ZNF397: variants seen among roughly 807,000 people sequenced by gnomAD.
ZNF397 encodes zinc finger protein 397, also known as zinc finger and SCAN domain-containing protein 15.
Under a neutral mutation model 50.6 loss-of-function variants are expected in ZNF397, and 38 were observed. The observed-to-expected ratio is 0.75, with a 90% CI of 0.58 to 0.98. The LOEUF is 0.98. Among genes scored for constraint, ZNF397 ranks in the 50% least tolerant of loss-of-function variants. ZNF397 has a pLI of 0.00. For synonymous variants in ZNF397, 228 were observed against 215.2 expected (o/e 1.06, Z -0.52); for missense variants, 624 against 624.1 (o/e 1.00, Z 0.00).
downstream of ZNF397, chr18:35,251,703 G>C (rs530837960): frequency 6.6e-6 from 1 of 152,214 alleles, no homozygotes; most frequent in South Asian, 2.1e-4. Flanking sequence ...TTGCCACCTT[G>C]TGAAGAAGGT....
At position 35,247,977 on chromosome 18, in the gene ZNF397, G is replaced by C. The variant is rs1186644692; in HGVS notation, c.*1667G>C. 2 of 152,090 alleles carry C rather than the reference G, an allele frequency of 1.3e-5. No individual in the cohort carries two copies. Among genetic ancestry groups the C allele is most frequent in the African/African-American group, 4.8e-5 (2 of 41,418 alleles). The allele number at this position is 152,090 out of a possible 1,614,324, so 9.4% of individuals were successfully genotyped here. The stretch of plus-strand genomic sequence containing the variant: ...GAGCCATGGCGCCCAACCATCTTTT[G>C]CAAATTTTATTAAAGACAATGCTAA... On this transcript the variant is annotated 3_prime_UTR_variant, in exon 4 of 4. Coordinates refer to ENST00000330501, the MANE Select transcript of ZNF397 (RefSeq NM_001135178.3).
intron 3 of ZNF397, among the ~76,000 whole-genome samples, chr18:35,244,522 A>G (rs1397192114): frequency 6.6e-6 from 1 of 152,192 alleles, no homozygotes; most frequent in African/African-American, 2.4e-5. Flanking sequence ...GTAAGGATAC[A>G]TGAGAGCCCA....
chr18:35,257,976 C>T, exon 6 of ZNF397: 1 of 781,050 alleles, frequency 1.3e-6, no homozygotes, highest in Non-Finnish European at 2.4e-6. Context: ...ACCCAAATCT[C>T]CATCTCAGGC....
chr18:35,258,304 A>G (rs1362139059), exon 6 of ZNF397: 1 of 297,678 alleles, frequency 3.4e-6, no homozygotes, highest in Admixed American at 4.7e-5. Flanking sequence ...CATTGGAGAG[A>G]TAGAGTCACT....
rs143182188 is a variant in ZNF397 at position 35,255,482 on chromosome 18, G to C, written c.817+1080G>C. ...TAGAAGTAATAATTGCTAAGAGTTA[G>C]GATTCAAATAAACATTCTTAACATC... On this transcript the variant is annotated intron_variant, in intron 5 of 5. Coordinates refer to the ZNF397 transcript ENST00000261333. Among the ~76,000 whole-genome samples, 38 of 152,108 alleles carry C rather than the reference G, an allele frequency of 2.5e-4. No homozygotes were observed. In the East Asian group the frequency reaches 6.8e-3, roughly 27 times the overall value.
chr18:35,246,274 C>T lies in ZNF397; in HGVS notation c.1569C>T (p.Val523=). Residue 523 remains valine (V), a synonymous_variant, in exon 4 of 4, where the codon GTC becomes GTT. Transcript: ENST00000330501. ...GGAAGGCTTTCAGGCACAGATCGGT[C>T]CTTATGCGCCATCAAAGAGTCCACA... ...ECGKAFRHRS[V]LMRHQRVHTI... The T allele has an allele frequency of 2.6e-6, 4 of 1,550,836 alleles. No individual in the cohort carries two copies. Among genetic ancestry groups the T allele is most frequent in the South Asian group, 1.2e-5 (1 of 83,816 alleles).
chr18:35,246,129 A>G lies in ZNF397; in HGVS notation c.1424A>G (p.His475Arg), dbSNP rs1409953727. Residue 475 changes from histidine (H) to arginine (R), a missense_variant, in exon 4 of 4, where the codon CAT (histidine) becomes CGT (arginine). His to Arg is a conservative substitution (Grantham distance 29). Coordinates refer to ENST00000330501, the MANE Select transcript of ZNF397 (RefSeq NM_001135178.3). ...AACCTTATCAGACATCAGAGAATTC[A>G]TAGTGGGGAGGAACCTTATCAGTGT... is the stretch of plus-strand genomic sequence containing the variant. ...SSNLIRHQRI[H>R]SGEEPYQCNE... is the part of the protein sequence containing the mutation. 1.9e-6 allele frequency: 3 copies of G among 1,551,450 alleles called. No homozygotes were observed. Among genetic ancestry groups the G allele is most frequent in the Non-Finnish European group, 2.6e-6 (3 of 1,146,704 alleles).
Position 35,242,736 on chromosome 18 carries a change from T to G in ZNF397, c.266T>G (p.Ile89Ser). 2 of 1,614,168 alleles carry G rather than the reference T, an allele frequency of 1.2e-6. No individual in the cohort carries two copies. Among genetic ancestry groups the G allele is most frequent in the Non-Finnish European group, 1.7e-6 (2 of 1,180,030 alleles). ...CCAGAGTTGCACACAAAGGAGCAGA[T>G]CTTAGAACTGCTGGTACTGGAGCAG... ...LMPELHTKEQ[I>S]LELLVLEQFL... is the part of the protein sequence containing the mutation. Residue 89 changes from isoleucine to serine, a missense_variant, in exon 2 of 4, where the codon ATC becomes AGC. Transcript: ENST00000330501.
At chr18:35,256,372 C>T (rs1244103826) in intron 5 of ZNF397, 2 of 151,920 alleles carry the variant, frequency 1.3e-5, no homozygotes, top group Non-Finnish European at 2.9e-5. Flanking sequence ...CCAACTTGGC[C>T]AACATGGCAA....
downstream of ZNF397, among the ~76,000 whole-genome samples, chr18:35,250,371 G>A (rs756450158): frequency 2.1e-4 from 32 of 152,200 alleles, no homozygotes; most frequent in Admixed American, 3.3e-4. Flanking sequence ...AAATTTTTTC[G>A]TCTTCACCAC....
chr18:35,242,945 T>G lies in ZNF397; in HGVS notation c.414+61T>G, dbSNP rs562000007. 3.0e-5 allele frequency: 46 copies of G among 1,539,188 alleles called. No individual in the cohort carries two copies. In the African/African-American group the frequency reaches 5.9e-4, roughly 20 times the overall value. ...TTACAGCCTGGAGCATGTAATGGTA[T>G]CATAACAGTAGGATAAAAATTTTTA... On this transcript the variant is annotated intron_variant, in intron 2 of 3. Coordinates refer to ENST00000330501, the MANE Select transcript of ZNF397 (RefSeq NM_001135178.3).
At position 35,246,322 on chromosome 18, in the gene ZNF397, T is replaced by C. The variant is rs1383227448; in HGVS notation, c.*12T>C. Reference sequence around the variant, plus strand: ...ACACTATAAAGTAATTTGTGAATACTGTGAATAGTGTAAATACTTCAGTCA... The same window carrying C: ...ACACTATAAAGTAATTTGTGAATACCGTGAATAGTGTAAATACTTCAGTCA... On this transcript the variant is annotated 3_prime_UTR_variant, in exon 4 of 4. Transcript: ENST00000330501. The C allele has an allele frequency of 7.3e-6, 11 of 1,509,102 alleles. No individual in the cohort carries two copies. Among genetic ancestry groups the C allele is most frequent in the Middle Eastern group, 3.5e-4 (2 of 5,762 alleles). 93.5% of individuals were successfully genotyped at this position (1,509,102 alleles called of 1,614,324 possible). A position where few individuals can be genotyped will look rare whatever the true frequency, so the allele number is the denominator to read the frequency against.
chr18:35,253,174 G>A (rs1202503428), downstream of ZNF397: 1 of 281,112 alleles, frequency 3.6e-6, no homozygotes, highest in African/African-American at 2.2e-5. Flanking sequence ...GCAGAGAGTG[G>A]AGTGAAGGGG....
exon 6 of ZNF397, chr18:35,258,319 C>T (rs1343216500): frequency 1.2e-5 from 3 of 247,252 alleles, no homozygotes; most frequent in Non-Finnish European, 2.3e-5. Context: ...GTCACTATTA[C>T]TGATATGGTG....
downstream of ZNF397, chr18:35,253,712 G>C: frequency 6.2e-7 from 1 of 1,614,092 alleles, no homozygotes; most frequent in Non-Finnish European, 8.5e-7. Context: ...TTTATCTCCA[G>C]TGTGAATTTT....
Position 35,246,156 on chromosome 18 carries a change from A to G in ZNF397, c.1451A>G (p.Asn484Ser). 12 of 1,551,238 alleles carry G rather than the reference A, an allele frequency of 7.7e-6. No individual in the cohort carries two copies. Among genetic ancestry groups the G allele is most frequent in the Non-Finnish European group, 1.0e-5 (12 of 1,146,526 alleles). Residue 484 changes from asparagine (N) to serine (S), a missense_variant, in exon 4 of 4, where the codon AAT (asparagine) becomes AGT (serine). Coordinates refer to ENST00000330501, the MANE Select transcript of ZNF397 (RefSeq NM_001135178.3). Reference protein sequence around the residue: ...IHSGEEPYQCNECGKTFKRSS... With the variant: ...IHSGEEPYQCSECGKTFKRSS... ...AGTGGGGAGGAACCTTATCAGTGTA[A>G]TGAATGTGGCAAAACTTTCAAAAGG...
downstream of ZNF397, chr18:35,251,661 A>C (rs1333942922): frequency 6.6e-6 from 1 of 152,160 alleles, no homozygotes; most frequent in African/African-American, 2.4e-5. Flanking sequence ...TGGCTGATTG[A>C]TAAGTGCCTA....
Position 35,245,995 on chromosome 18 carries a change from T to C in ZNF397, c.1290T>C (p.Cys430=). Residue 430 remains cysteine (C), a synonymous_variant, in exon 4 of 4, where the codon TGT becomes TGC. Transcript: ENST00000330501. ...AGAGACCCTATGAATGTAATGAATG[T>C]GGAAAAGCTTTCAGGCAGAGCTCAG... ...TGERPYECNE[C]GKAFRQSSEL... 1 of 1,578,976 alleles carries C rather than the reference T, an allele frequency of 6.3e-7. No individual in the cohort carries two copies.
chr18:35,253,455 C>T, downstream of ZNF397: 5 of 1,569,088 alleles, frequency 3.2e-6, no homozygotes, highest in Non-Finnish European at 4.3e-6. Flanking sequence ...CAGAGTTAAA[C>T]TCTGGTGTGT....
Sources: gnomAD v4.1 joint callset for allele counts (sites outside exome capture counted in the v4.1 genomes callset) on GRCh38, gnomAD v4.1.1 for gene constraint, MANE v1.5 for transcripts, NCBI Gene and HGNC (gene_info 2026-07-23, HGNC 2026-07-21) for gene names.